The following HERC2 variants were observed in gnomAD, a reference collection of about 807,000 sequenced individuals.
HERC2 encodes the protein E3 ubiquitin-protein ligase HERC2.
In HERC2, 102 loss-of-function variants were observed where a neutral mutation model predicts 537.7. The ratio of observed to expected loss-of-function variants is 0.19; its 90% CI spans 0.16 to 0.22. HERC2 has a LOEUF of 0.22. Ranked by LOEUF, HERC2 falls within the 10% of genes least tolerant of loss-of-function variation. HERC2 has a pLI of 1.00. For synonymous variants in HERC2, 2,224 were observed against 2,466.2 expected (o/e 0.90, Z 2.91); for missense variants, 4,236 against 6,198.2 (o/e 0.68, Z 10.63).
In HERC2 at chr15:28,116,693, G is replaced by A. The variant is rs753208263; in HGVS notation, c.13581C>T (p.Pro4527=). 9.9e-6 allele frequency: 16 copies of A among 1,613,198 alleles called. No individual in the cohort carries two copies. The highest frequency in any genetic ancestry group is 2.2e-5 in the East Asian group (1 of 44,894). Residue 4527 remains proline, a synonymous_variant, in exon 88 of 93, where the codon CCC becomes CCT. Transcript: ENST00000261609. ...GGAAGCGGAACATGCTGCTGTGCACGGGTGCTCTGGCGGCCGGGCTGAGCA... is the reference window on the plus strand; with the variant it reads ...GGAAGCGGAACATGCTGCTGTGCACAGGTGCTCTGGCGGCCGGGCTGAGCA... ...CYLLSPAARA[P]VHSSMFRFLG...
intron 6 of HERC2, among the ~76,000 whole-genome samples, 171 bp from the exon 7 acceptor site, chr15:28,274,618 G>A (rs559322465): frequency 1.3e-5 from 2 of 152,206 alleles, no homozygotes; most frequent in South Asian, 4.1e-4. Flanking sequence ...GCTGTCACAT[G>A]AGCAATACAC....
chr15:28,198,527 T>C lies in HERC2; in HGVS notation c.7886-24A>G, dbSNP rs375693734. On this transcript the variant is annotated intron_variant, in intron 49 of 92. Transcript: ENST00000261609. ...GCCTACAGATGTCAATAACAAATCA[T>C]TATAATCAATATTCATTTAAGGGAA... The C allele has an allele frequency of 7.0e-4, 1,124 of 1,611,944 alleles. 1 individual carries two copies. The highest frequency in any genetic ancestry group is 9.0e-4 in the Non-Finnish European group (1,063 of 1,179,356).
At chr15:28,244,661 G>C (rs1224038483) in intron 23 of HERC2, among the ~76,000 whole-genome samples, 3 of 152,128 alleles carry the variant, frequency 2.0e-5, no homozygotes, top group African/African-American at 7.2e-5. Flanking sequence ...CCCCTCAACA[G>C]TATGATAGTA....
chr15:28,301,735 GTATATA>G (rs55977156), intron 2 of HERC2, among the ~76,000 whole-genome samples: 1,754 of 35,374 alleles, frequency 0.05, 139 homozygotes, highest in East Asian at 0.098. Flanking sequence ...GTATGTATGT[GTATATA>G]TATATATATA....
chr15:28,268,695 ATCC>A lies in HERC2; in HGVS notation c.1447-82_1447-80del, dbSNP rs2075637061. ...CCAGCTCAGCTCTCCGTTATCATGTATCCCCAAGCAAAGCCTGCTGTAACTCCA... is the reference window on the plus strand; with the variant it reads ...CCAGCTCAGCTCTCCGTTATCATGTACCAAGCAAAGCCTGCTGTAACTCCA... On this transcript the variant is annotated intron_variant, in intron 11 of 92. Transcript: ENST00000261609. This position sits in a 1 kb window ranked among gnomAD's most constrained non-coding sequence, Gnocchi z 4.7. 1.6e-6 allele frequency: 2 copies of A among 1,233,572 alleles called. No individual in the cohort carries two copies. Among genetic ancestry groups the A allele is most frequent in the East Asian group, 5.1e-5 (2 of 39,436 alleles). 76.4% of individuals were successfully genotyped at this position (1,233,572 alleles called of 1,614,324 possible). A position where few individuals can be genotyped will look rare whatever the true frequency, so the allele number is the denominator to read the frequency against.
intron 5 of HERC2, 114 bp downstream of exon 5, chr15:28,279,954 T>C: frequency 1.3e-6 from 1 of 788,792 alleles, no homozygotes; most frequent in Non-Finnish European, 2.0e-6. Flanking sequence ...AAAGCAAGAA[T>C]AAATTTCAGA....
chr15:28,292,460 AC>A (rs2076343845), intron 4 of HERC2, among the ~76,000 whole-genome samples: 1 of 152,180 alleles, frequency 6.6e-6, no homozygotes, highest in Admixed American at 6.5e-5. Flanking sequence ...ACCTTAGTAT[AC>A]CGCTGCAAGA....
intron 5 of HERC2, among the ~76,000 whole-genome samples, chr15:28,277,086 T>A (rs1313593944): frequency 6.7e-6 from 1 of 149,138 alleles, no homozygotes; most frequent in African/African-American, 2.4e-5. Context: ...CCAAAAATTA[T>A]AATAATAACA....
chr15:28,148,110 A>G (rs1178470562), intron 70 of HERC2, among the ~76,000 whole-genome samples: 21 of 152,184 alleles, frequency 1.4e-4, no homozygotes, highest in East Asian at 1.9e-4. Context: ...CAGGCCAGAA[A>G]GATACACCCA....
Position 28,152,739 on chromosome 15 carries a change from A to G in HERC2, c.10838T>C (p.Val3613Ala). 3 of 1,552,240 alleles carry G rather than the reference A, an allele frequency of 1.9e-6. No homozygotes were observed. The highest frequency in any genetic ancestry group is 2.6e-6 in the Non-Finnish European group (3 of 1,147,346). Residue 3613 changes from valine (V) to alanine (A), a missense_variant, in exon 70 of 93, where the codon GTG becomes GCG. Physicochemically the swap from Val to Ala is moderately conservative, Grantham distance 64. This residue lies in a region of HERC2 where 356 missense variants were observed against 450.9 expected (regional missense o/e 0.79). Transcript: ENST00000261609. Reference protein sequence around the residue: ...QSGRLSSQPVVVESSHPYTDD... With the variant: ...QSGRLSSQPVAVESSHPYTDD... ...GGTGTAAGGGTGGCTACTCTCCACCACCACAGGCTGAGAAGAGAGGCGGCC... is the reference window on the plus strand; with the variant it reads ...GGTGTAAGGGTGGCTACTCTCCACCGCCACAGGCTGAGAAGAGAGGCGGCC...
At chr15:28,291,584 A>G (rs1469873230) in intron 4 of HERC2, among the ~76,000 whole-genome samples, 2 of 152,138 alleles carry the variant, frequency 1.3e-5, no homozygotes, top group African/African-American at 4.8e-5. Context: ...TATATTTTTA[A>G]TTGGAATGAA....
rs72714149 is a variant in HERC2 at position 28,249,951 on chromosome 15, G to A, written c.3051-1215C>T. On this transcript the variant is annotated intron_variant, in intron 20 of 92. Transcript: ENST00000261609. ...ATTACAGGCGTGAGCCACCACGCCC[G>A]GCCTAAGGAAACTAACTCTTATGTC... Among the ~76,000 whole-genome samples, 344 of 151,960 alleles carry A rather than the reference G, an allele frequency of 2.3e-3. 3 individuals carry two copies. Among genetic ancestry groups the A allele is most frequent in the Admixed American group, 0.016 (246 of 15,260 alleles).
chr15:28,219,635 G>C (rs182696278), intron 37 of HERC2, among the ~76,000 whole-genome samples: 14 of 152,168 alleles, frequency 9.2e-5, no homozygotes, highest in African/African-American at 3.4e-4. Context: ...GAGCCCAGAC[G>C]GTGCGCTATG....
intron 23 of HERC2, among the ~76,000 whole-genome samples, chr15:28,242,953 G>A (rs899911501): frequency 9.9e-5 from 15 of 152,158 alleles, no homozygotes; most frequent in African/African-American, 3.6e-4. Flanking sequence ...ATCATACTTT[G>A]TGTGTGAAAT....
intron 16 of HERC2, among the ~76,000 whole-genome samples, chr15:28,259,969 C>CA (rs35995546): frequency 0.13 from 8,500 of 67,134 alleles, 696 homozygotes; most frequent in East Asian, 0.36. Flanking sequence ...CTCCATCTGG[C>CA]AAAAAAAAAA....
chr15:28,160,530 GC>G (rs1310932496), intron 69 of HERC2, among the ~76,000 whole-genome samples: 1 of 152,234 alleles, frequency 6.6e-6, no homozygotes, highest in Non-Finnish European at 1.5e-5. Context: ...GACCCTCCGA[GC>G]CAGGCGCGAG....
chr15:28,167,970 C>A, intron 67 of HERC2, 143 bp from the exon 68 acceptor site: 2 of 907,078 alleles, frequency 2.2e-6, no homozygotes, highest in Non-Finnish European at 3.3e-6. Flanking sequence ...TAACATGGTG[C>A]CCACCAGACA....
At chr15:28,171,615 T>C (rs1475885457) in intron 65 of HERC2, among the ~76,000 whole-genome samples, 1 of 151,966 alleles carries the variant, frequency 6.6e-6, no homozygotes, top group Non-Finnish European at 1.5e-5. Flanking sequence ...AAAATATTTG[T>C]ATGACAAGAT....
At chr15:28,236,117 G>A (rs1902413171) in intron 26 of HERC2, among the ~76,000 whole-genome samples, 1 of 151,960 alleles carries the variant, frequency 6.6e-6, no homozygotes, top group Non-Finnish European at 1.5e-5. Context: ...ATCAGGCAGA[G>A]GCTGCAATAC....
Sources: allele counts gnomAD v4.1 joint callset (sites outside exome capture counted in the v4.1 genomes callset), GRCh38; gene constraint gnomAD v4.1.1; regional missense constraint gnomAD v4.1.1; non-coding constraint Gnocchi (gnomAD v3.1); transcripts MANE v1.5; gene names NCBI Gene and HGNC (gene_info 2026-07-23, HGNC 2026-07-21).